Variants in TYW1 observed in about 807,000 individuals in gnomAD.
The protein encoded by TYW1 is S-adenosyl-L-methionine-dependent tRNA 4-demethylwyosine synthase TYW1.
Under a neutral mutation model 96.2 loss-of-function variants are expected in TYW1, and 46 were observed. The ratio of observed to expected loss-of-function variants is 0.48; its 90% confidence interval spans 0.38 to 0.61. TYW1 has a LOEUF of 0.61. TYW1 is among the 20% of genes least tolerant of loss of function. The pLI, the probability that TYW1 is intolerant of heterozygous loss-of-function variation, is 0.00. For synonymous variants in TYW1, 274 were observed against 323.0 expected, an observed-to-expected ratio of 0.85 and a Z score of 1.63; for missense variants, 684 against 909.6, an observed-to-expected ratio of 0.75 and a Z score of 3.19.
intron 3 of TYW1, among the ~76,000 whole-genome samples, chr7:67,007,734 A>G (rs937732385): frequency 1.3e-5 from 2 of 151,888 alleles, no homozygotes; most frequent in Admixed American, 1.3e-4. Context: ...TCCTGGATTC[A>G]AGCAGTTCTC....
intron 13 of TYW1, among the ~76,000 whole-genome samples, chr7:67,154,694 G>A (rs1302141014): frequency 6.6e-6 from 1 of 151,414 alleles, no homozygotes; most frequent in Non-Finnish European, 1.5e-5. Flanking sequence ...GGATCTTTGA[G>A]CCTGCTGTAT....
In TYW1 at chr7:67,036,612, G is replaced by C. The variant is rs1327667039; in HGVS notation, c.984+11590G>C. ...CCAGACCCTCAAGGGAGAGGTGACCGCACTTGCTGGAGTCACTCACTGGAG... is the reference window on the plus strand; with the variant it reads ...CCAGACCCTCAAGGGAGAGGTGACCCCACTTGCTGGAGTCACTCACTGGAG... On this transcript the variant is annotated intron_variant, in intron 7 of 15. Transcript: ENST00000359626. 3.3e-5 allele frequency among the ~76,000 whole-genome samples: 5 copies of C among 152,228 alleles called. No homozygotes were observed. In the South Asian group the frequency reaches 1.0e-3, roughly 32 times the overall value.
intron 8 of TYW1, 75 bp from the exon 9 acceptor site, chr7:67,055,760 G>A (rs1795494413): frequency 8.2e-7 from 1 of 1,218,722 alleles, no homozygotes; most frequent in Admixed American, 2.6e-5. Flanking sequence ...AAAAATTTTT[G>A]CTAAATTTTA....
At chr7:67,044,982 A>G (rs1367924865) in intron 7 of TYW1, among the ~76,000 whole-genome samples, 3 of 152,188 alleles carry the variant, frequency 2.0e-5, no homozygotes, top group Non-Finnish European at 4.4e-5. Context: ...AAAAGGATCA[A>G]ACAATCAGAA....
intron 13 of TYW1, among the ~76,000 whole-genome samples, chr7:67,134,795 A>G (rs10215275): frequency 0.28 from 40,832 of 148,112 alleles, 6,428 homozygotes; most frequent in African/African-American, 0.43. Flanking sequence ...TTTTTTTTTA[A>G]TAATTGAGGT....
chr7:67,139,814 A>G (rs1453698708), intron 13 of TYW1, among the ~76,000 whole-genome samples: 4 of 151,544 alleles, frequency 2.6e-5, no homozygotes, highest in Admixed American at 6.6e-5. Flanking sequence ...AATGATCACC[A>G]TATTTAAAAA....
At chr7:67,000,594 C>T (rs1380430279) in intron 3 of TYW1, among the ~76,000 whole-genome samples, 1 of 152,106 alleles carries the variant, frequency 6.6e-6, no homozygotes, top group Non-Finnish European at 1.5e-5. Flanking sequence ...GCACCGCTCC[C>T]AGCCAAAAAA....
At chr7:67,119,421 G>A (rs930625784) in intron 13 of TYW1, among the ~76,000 whole-genome samples, 1 of 152,042 alleles carries the variant, frequency 6.6e-6, no homozygotes, top group Non-Finnish European at 1.5e-5. Flanking sequence ...ATTTTTCACC[G>A]TATTCCCCAG....
rs568885807 is a variant in TYW1 at position 67,194,781 on chromosome 7, A to G, written c.1810-389A>G. On this transcript the variant is annotated intron_variant, in intron 14 of 15. Coordinates refer to ENST00000359626, the MANE Select transcript of TYW1 (RefSeq NM_018264.4). ...CAGTGAATTTTTATGAGTGTCCACTATGCCCCCATTATTGTCCTAAGGGGT... is the reference window on the plus strand; with the variant it reads ...CAGTGAATTTTTATGAGTGTCCACTGTGCCCCCATTATTGTCCTAAGGGGT... 7.4e-4 allele frequency among the ~76,000 whole-genome samples: 111 copies of G among 149,188 alleles called. 1 individual carries two copies. The highest frequency in any genetic ancestry group is 2.8e-3 in the African/African-American group (110 of 39,766).
intron 13 of TYW1, among the ~76,000 whole-genome samples, chr7:67,154,380 ACAGT>A (rs1302729490): frequency 6.6e-6 from 1 of 152,196 alleles, no homozygotes; most frequent in Non-Finnish European, 1.5e-5. Flanking sequence ...CATTTCTTGT[ACAGT>A]CAGTCTAGTG....
rs770536540 is a variant in TYW1, at chr7:66,996,998, G to A, written c.4+16G>A. 1.2e-6 allele frequency: 2 copies of A among 1,614,072 alleles called. No homozygotes were observed. Among genetic ancestry groups the A allele is most frequent in the Admixed American group, 1.7e-5 (1 of 60,004 alleles). On this transcript the variant is annotated intron_variant, in intron 1 of 15. Coordinates refer to ENST00000359626, the MANE Select transcript of TYW1 (RefSeq NM_018264.4). ...AGGAGGATGGGTAAGGGCACTCGGC[G>A]GGCAAGGACCCTGGGGCGGCAGGGG...
chr7:67,000,389 C>T, intron 3 of TYW1, among the ~76,000 whole-genome samples: 1 of 151,420 alleles, frequency 6.6e-6, no homozygotes, highest in Non-Finnish European at 1.5e-5. Context: ...ACCTCTGCCT[C>T]CTGGGTTCGA....
intron 4 of TYW1, among the ~76,000 whole-genome samples, chr7:67,012,502 G>A (rs1793849250): frequency 6.6e-6 from 1 of 152,040 alleles, no homozygotes; most frequent in South Asian, 2.1e-4. Context: ...GCTTGAATGT[G>A]CTCTAAATTA....
rs377605477 is a variant in TYW1, at chr7:67,183,429, A to G, written c.1809+193A>G. 3.3e-4 allele frequency among the ~76,000 whole-genome samples: 51 copies of G among 152,280 alleles called. 1 individual carries two copies. In the South Asian group the frequency reaches 9.8e-3, roughly 29 times the overall value. On this transcript the variant is annotated intron_variant, in intron 14 of 15. Coordinates refer to ENST00000359626, the MANE Select transcript of TYW1 (RefSeq NM_018264.4). Reference sequence around the variant, plus strand: ...CTTGGGGATAATAGCAGTCAAGAAGACCAAGCTCTTGCTCTTATAAAGCTA... The same window carrying G: ...CTTGGGGATAATAGCAGTCAAGAAGGCCAAGCTCTTGCTCTTATAAAGCTA...
chr7:67,212,974 C>T (rs1801087609), intron 15 of TYW1, among the ~76,000 whole-genome samples: 1 of 152,104 alleles, frequency 6.6e-6, no homozygotes, highest in Non-Finnish European at 1.5e-5. Flanking sequence ...CCCCCAGGTT[C>T]AAACGATTCT....
At chr7:67,079,171 GGTGTGTGTGTGTGT>G (rs55931505) in intron 10 of TYW1, among the ~76,000 whole-genome samples, 1 of 148,794 alleles carries the variant, frequency 6.7e-6, no homozygotes, top group Non-Finnish European at 1.5e-5. Flanking sequence ...TCGTGTGAGA[GGTGTGTGTGTGTGT>G]GTGTGTGTGT....
chr7:67,122,662 T>C (rs111854214), intron 13 of TYW1, among the ~76,000 whole-genome samples: 2,629 of 152,328 alleles, frequency 0.017, 74 homozygotes, highest in African/African-American at 0.059. Context: ...TCATAAGTAT[T>C]TTTCCTTATC....
At chr7:67,038,442 A>G (rs1794905652) in intron 7 of TYW1, among the ~76,000 whole-genome samples, 1 of 152,032 alleles carries the variant, frequency 6.6e-6, no homozygotes, top group Non-Finnish European at 1.5e-5. Flanking sequence ...CCTTGTCTCT[A>G]CAAAACATAA....
chr7:67,166,334 T>TATATATA (rs1243368816), intron 13 of TYW1, among the ~76,000 whole-genome samples: 1 of 141,068 alleles, frequency 7.1e-6, no homozygotes, highest in Non-Finnish European at 1.5e-5. Flanking sequence ...ACATATATAA[T>TATATATA]ATATATAATA....
Sources: allele counts gnomAD v4.1 joint callset (sites outside exome capture counted in the v4.1 genomes callset), GRCh38; gene constraint gnomAD v4.1.1; transcripts MANE v1.5; gene names NCBI Gene and HGNC (gene_info 2026-07-23, HGNC 2026-07-21).